Variants in CSMD1 observed in about 807,000 individuals in gnomAD.
The protein encoded by CSMD1 is CUB and sushi domain-containing protein 1.
A neutral mutation model predicts 417.5 loss-of-function variants in CSMD1; 213 were observed. The observed-to-expected ratio is 0.51, with a 90% CI of 0.46 to 0.57. The LOEUF is 0.57. Ranked by LOEUF, CSMD1 falls within the 20% of genes least tolerant of loss-of-function variation. The pLI is 0.00. For missense variants in CSMD1, 6,923 were observed against 4,529.7 expected, an observed-to-expected ratio of 1.53 and a Z score of -15.17; for synonymous variants, 2,862 against 1,736.8, an observed-to-expected ratio of 1.65 and a Z score of -16.11.
At chr8:2,942,397 C>T (rs1333220552) in intron 69 of CSMD1, 75 bp downstream of exon 69, 10 of 1,286,806 alleles carry the variant, frequency 7.8e-6, no homozygotes, top group South Asian at 1.6e-5. Flanking sequence ...CATGTGAGCA[C>T]GAGAGCATGC....
intron 54 of CSMD1, among the ~76,000 whole-genome samples, chr8:2,988,381 G>C (rs934099932): frequency 6.6e-6 from 1 of 152,140 alleles, no homozygotes; most frequent in African/African-American, 2.4e-5. Flanking sequence ...CTTAATGTTT[G>C]CATGCAATAC....
intron 3 of CSMD1, among the ~76,000 whole-genome samples, chr8:4,049,227 A>G (rs1798299067): frequency 1.3e-5 from 2 of 152,114 alleles, no homozygotes; most frequent in African/African-American, 2.4e-5. Flanking sequence ...CCATATGTAG[A>G]CTTCTCAACC....
intron 21 of CSMD1, among the ~76,000 whole-genome samples, chr8:3,356,440 G>A (rs1308561211): frequency 1.3e-5 from 2 of 152,208 alleles, no homozygotes; most frequent in African/African-American, 4.8e-5. Flanking sequence ...ACTTTGGGAG[G>A]CCAAGGCGGG....
intron 2 of CSMD1, among the ~76,000 whole-genome samples, chr8:4,477,521 T>A (rs1420503813): frequency 6.6e-6 from 1 of 152,216 alleles, no homozygotes. Flanking sequence ...GGCCTGGCAT[T>A]TTCACACGAT....
chr8:4,336,163 T>C (rs556923295), intron 3 of CSMD1, among the ~76,000 whole-genome samples: 4 of 152,262 alleles, frequency 2.6e-5, no homozygotes, highest in South Asian at 4.1e-4. Flanking sequence ...TGAATAATCA[T>C]ACTCCTGGTT....
intron 3 of CSMD1, among the ~76,000 whole-genome samples, chr8:4,241,648 A>C (rs560331208): frequency 6.1e-4 from 93 of 152,316 alleles, no homozygotes; most frequent in Non-Finnish European, 1.0e-3. Context: ...GATCAAAATC[A>C]TTACAAATGG....
chr8:3,128,286 A>G (rs1359274839), intron 41 of CSMD1: 2 of 152,444 alleles, frequency 1.3e-5, no homozygotes, highest in African/African-American at 2.4e-5. Context: ...TAGTTGATAA[A>G]TATCTTCATG....
intron 1 of CSMD1, among the ~76,000 whole-genome samples, chr8:4,874,699 T>A (rs1313239561): frequency 6.6e-6 from 1 of 151,834 alleles, no homozygotes; most frequent in Non-Finnish European, 1.5e-5. Flanking sequence ...TAACAGTGAA[T>A]TTACTTATTT....
rs186659106 is a variant in CSMD1, at chr8:3,440,427, G to C, written c.1561+28285C>G. ...GAGTGATTATAAATTGTATTTTAAA[G>C]AAATTGGGTGTTCACGTGTTCATAT... On this transcript the variant is annotated intron_variant, in intron 12 of 69. Coordinates refer to ENST00000635120, the MANE Select transcript of CSMD1 (RefSeq NM_033225.6). 1.1e-4 allele frequency among the ~76,000 whole-genome samples: 16 copies of C among 152,228 alleles called. No homozygotes were observed. In the East Asian group the frequency reaches 2.9e-3, roughly 28 times the overall value.
At chr8:3,234,936 T>A (rs1799064402) in intron 26 of CSMD1, among the ~76,000 whole-genome samples, 1 of 152,210 alleles carries the variant, frequency 6.6e-6, no homozygotes, top group Non-Finnish European at 1.5e-5. Context: ...TTTCAGAAAA[T>A]AATCAAAAGC....
chr8:3,726,293 T>C (rs887381703), intron 6 of CSMD1, among the ~76,000 whole-genome samples: 10 of 152,184 alleles, frequency 6.6e-5, no homozygotes, highest in African/African-American at 2.4e-4. Context: ...CCTTAAAAAA[T>C]ACGTGAGCTC....
chr8:4,796,579 G>A (rs546105846), intron 1 of CSMD1, among the ~76,000 whole-genome samples: 1 of 151,498 alleles, frequency 6.6e-6, no homozygotes, highest in Non-Finnish European at 1.5e-5. Flanking sequence ...ACTCACTGTG[G>A]GAGGCTGCAG....
chr8:4,715,404 A>T (rs1348549062), intron 1 of CSMD1, among the ~76,000 whole-genome samples: 2 of 152,226 alleles, frequency 1.3e-5, no homozygotes, highest in African/African-American at 4.8e-5. Context: ...TGTAAAACAG[A>T]TACCTTTATT....
chr8:3,792,668 A>G (rs369508031), intron 5 of CSMD1, among the ~76,000 whole-genome samples: 8 of 152,182 alleles, frequency 5.3e-5, no homozygotes, highest in African/African-American at 7.2e-5. Flanking sequence ...AAAACAAAAC[A>G]GAGACCGCAA....
At chr8:3,532,283 G>T (rs943723540) in intron 10 of CSMD1, among the ~76,000 whole-genome samples, 3 of 152,126 alleles carry the variant, frequency 2.0e-5, no homozygotes, top group African/African-American at 7.2e-5. Flanking sequence ...ACATGATTCT[G>T]CATGGTGTCA....
rs549851494 is a variant in CSMD1 at position 3,349,284 on chromosome 8, C to A, written c.3305-1123G>T. ...CTGCCACGATACTGATTCTTTCACA[C>A]CCTCCTTCCCTCTTTGACAACGAAC... On this transcript the variant is annotated intron_variant, in intron 21 of 69. Transcript: ENST00000635120. 1.2e-3 allele frequency among the ~76,000 whole-genome samples: 184 copies of A among 152,272 alleles called. 1 individual carries two copies. Among genetic ancestry groups the A allele is most frequent in the Non-Finnish European group, 2.1e-3 (146 of 68,036 alleles).
intron 52 of CSMD1, 141 bp downstream of exon 52, chr8:3,018,336 A>C: frequency 1.4e-6 from 1 of 722,312 alleles, no homozygotes; most frequent in Non-Finnish European, 2.2e-6. Context: ...CTCAAAGAAA[A>C]AATCACACTG....
chr8:4,358,985 T>A (rs1256974444), intron 3 of CSMD1, among the ~76,000 whole-genome samples: 1 of 151,550 alleles, frequency 6.6e-6, no homozygotes, highest in Non-Finnish European at 1.5e-5. Flanking sequence ...CACACACACA[T>A]TTAAGTTGAC....
At chr8:3,789,022 G>C (rs1028503067) in intron 5 of CSMD1, among the ~76,000 whole-genome samples, 2 of 152,148 alleles carry the variant, frequency 1.3e-5, no homozygotes, top group Admixed American at 1.3e-4. Flanking sequence ...CCCAAATTAG[G>C]AGGATGCTAT....
Sources: allele counts gnomAD v4.1 joint callset (sites outside exome capture counted in the v4.1 genomes callset), GRCh38; gene constraint gnomAD v4.1.1; transcripts MANE v1.5; gene names NCBI Gene and HGNC (gene_info 2026-07-23, HGNC 2026-07-21).